SIK3: variants seen among roughly 807,000 people sequenced by gnomAD.
SIK3 encodes serine/threonine-protein kinase SIK3.
SIK3 carries 28 observed loss-of-function variants against 144.2 expected under a neutral mutation model. That is an observed-to-expected ratio of 0.19 (90% CI 0.14 to 0.27). The LOEUF (loss-of-function observed/expected upper bound fraction) is 0.27. Among genes scored for constraint, SIK3 ranks in the 10% least tolerant of loss-of-function variants. The pLI, the probability that SIK3 is intolerant of heterozygous loss-of-function variation, is 1.00. For missense variants in SIK3, 1,319 were observed against 1,776.0 expected (o/e 0.74, Z 4.62); for synonymous variants, 686 against 676.3 (o/e 1.01, Z -0.22).
At chr11:117,066,560 G>C (rs2135979920) in intron 1 of SIK3, among the ~76,000 whole-genome samples, 1 of 140,150 alleles carries the variant, frequency 7.1e-6, no homozygotes, top group South Asian at 2.2e-4. Context: ...TGGAAAGACA[G>C]GGTCTTGCTC....
At chr11:116,895,245 T>C (rs988259261) in intron 6 of SIK3, among the ~76,000 whole-genome samples, 1 of 152,174 alleles carries the variant, frequency 6.6e-6, no homozygotes, top group Non-Finnish European at 1.5e-5. Flanking sequence ...GCCTCTGCGC[T>C]GACCCCTCAA....
intron 14 of SIK3, chr11:116,868,799 C>T (rs1027981767): frequency 5.9e-5 from 9 of 152,298 alleles, no homozygotes; most frequent in Non-Finnish European, 1.0e-4. Context: ...ACGAAGAGTT[C>T]CCAAACTGAT....
At chr11:117,091,672 TGAGA>T (rs753773341) in intron 1 of SIK3, among the ~76,000 whole-genome samples, 9 of 152,218 alleles carry the variant, frequency 5.9e-5, no homozygotes, top group Non-Finnish European at 1.3e-4. Flanking sequence ...TCCTCTACAG[TGAGA>T]AAGAATATAA....
At chr11:117,081,597 G>A (rs1041700894) in intron 1 of SIK3, among the ~76,000 whole-genome samples, 2 of 152,140 alleles carry the variant, frequency 1.3e-5, no homozygotes, top group African/African-American at 4.8e-5. Context: ...GCACTCCAGC[G>A]TGGGCGACAG....
At chr11:116,963,051 G>A (rs1252554298) in intron 1 of SIK3, among the ~76,000 whole-genome samples, 7 of 152,186 alleles carry the variant, frequency 4.6e-5, no homozygotes, top group African/African-American at 1.7e-4. Context: ...ACTTGATATT[G>A]AGAATTGCCA....
chr11:116,905,168 G>A (rs969052962), intron 4 of SIK3, among the ~76,000 whole-genome samples: 1 of 152,186 alleles, frequency 6.6e-6, no homozygotes, highest in African/African-American at 2.4e-5. Context: ...TATGAGACTT[G>A]TCAATTTTGG....
At chr11:117,083,228 G>A (rs1399160900) in intron 1 of SIK3, among the ~76,000 whole-genome samples, 1 of 152,174 alleles carries the variant, frequency 6.6e-6, no homozygotes, top group Non-Finnish European at 1.5e-5. Context: ...GGAGGAAAAT[G>A]AGATCGGAAG....
intron 1 of SIK3, among the ~76,000 whole-genome samples, chr11:117,062,207 C>G (rs952672023): frequency 2.6e-5 from 4 of 152,002 alleles, no homozygotes; most frequent in African/African-American, 9.7e-5. Context: ...TGTGCCCGGC[C>G]TGCTAATGTT....
At chr11:117,085,228 C>G (rs1033747518) in intron 1 of SIK3, among the ~76,000 whole-genome samples, 1 of 151,984 alleles carries the variant, frequency 6.6e-6, no homozygotes, top group South Asian at 2.1e-4. Flanking sequence ...GCAATCCTCC[C>G]AGCTCAACCT....
intron 1 of SIK3, among the ~76,000 whole-genome samples, chr11:117,021,060 G>A (rs924404593): frequency 6.6e-6 from 1 of 152,194 alleles, no homozygotes; most frequent in African/African-American, 2.4e-5. Context: ...CTGCATTAGA[G>A]GACACCAGCT....
At chr11:117,091,895 G>A (rs962773475) in intron 1 of SIK3, among the ~76,000 whole-genome samples, 49 of 151,958 alleles carry the variant, frequency 3.2e-4, no homozygotes, top group Non-Finnish European at 4.4e-4. Context: ...TGATCCTCCC[G>A]CCTCCACCTC....
chr11:116,867,020 T>A lies in SIK3; in HGVS notation c.1952+926A>T, dbSNP rs675834. On this transcript the variant is annotated intron_variant, in intron 15 of 24. Coordinates refer to ENST00000445177, the MANE Select transcript of SIK3 (RefSeq NM_001366686.3). This position sits in a 1 kb window ranked among gnomAD's most constrained non-coding sequence, Gnocchi z 4.1. ...GGGTAACCAGCCTCAGTAAAAAAAA[T>A]GTGTCAAGCTTGCCAGTGCAAGCTG... Among the ~76,000 whole-genome samples the A allele has an allele frequency of 0.14, 21,772 of 152,124 alleles. 4,120 individuals carry two copies. Among genetic ancestry groups the A allele is most frequent in the African/African-American group, 0.44 (18,078 of 41,444 alleles).
At chr11:116,998,470 TAAAAAA>T (rs59998385) in intron 1 of SIK3, among the ~76,000 whole-genome samples, 4 of 136,402 alleles carry the variant, frequency 2.9e-5, no homozygotes, top group South Asian at 2.3e-4. Flanking sequence ...GACTCCGTCT[TAAAAAA>T]AAAAAAAAAA....
At chr11:116,883,805 G>A (rs998429100) in intron 6 of SIK3, among the ~76,000 whole-genome samples, 3 of 152,064 alleles carry the variant, frequency 2.0e-5, no homozygotes, top group Non-Finnish European at 2.9e-5. Flanking sequence ...ATGGTGGCGT[G>A]TGCCTGTAAT....
chr11:116,927,785 G>A (rs1266396030), intron 3 of SIK3, among the ~76,000 whole-genome samples: 1 of 152,144 alleles, frequency 6.6e-6, no homozygotes, highest in Non-Finnish European at 1.5e-5. Flanking sequence ...AAAAAAGCAA[G>A]GCCCCAATAT....
intron 1 of SIK3, among the ~76,000 whole-genome samples, chr11:116,983,226 C>CAA (rs751603084): frequency 2.2e-3 from 187 of 86,808 alleles, no homozygotes; most frequent in Admixed American, 0.01. Flanking sequence ...GACTCTGTCT[C>CAA]AAAAAAAAAA....
At chr11:116,984,383 A>G (rs908709382) in intron 1 of SIK3, among the ~76,000 whole-genome samples, 1 of 152,206 alleles carries the variant, frequency 6.6e-6, no homozygotes, top group African/African-American at 2.4e-5. Context: ...ACAGTGGTCC[A>G]TAAGGGGAAA....
chr11:117,004,436 A>G (rs7946390), intron 1 of SIK3, among the ~76,000 whole-genome samples: 22,939 of 151,992 alleles, frequency 0.15, 2,455 homozygotes, highest in African/African-American at 0.3. Context: ...GGATTGCTTG[A>G]GCCCAGAAGG....
At chr11:117,055,321 T>C (rs1254125781) in intron 1 of SIK3, among the ~76,000 whole-genome samples, 1 of 152,200 alleles carries the variant, frequency 6.6e-6, no homozygotes, top group African/African-American at 2.4e-5. Context: ...AAGCACTTAG[T>C]GTACATGAGA....
Sources: allele counts gnomAD v4.1 joint callset (sites outside exome capture counted in the v4.1 genomes callset), GRCh38; gene constraint gnomAD v4.1.1; non-coding constraint Gnocchi (gnomAD v3.1); transcripts MANE v1.5; gene names NCBI Gene and HGNC (gene_info 2026-07-23, HGNC 2026-07-21).